The following SOX5 variants were observed in gnomAD, a reference collection of about 807,000 sequenced individuals.
SOX5 encodes SRY-box transcription factor 5, also known as transcription factor SOX-5.
In SOX5, 9 loss-of-function variants were observed where a neutral mutation model predicts 92.0. That is an observed-to-expected ratio of 0.10 (90% CI 0.06 to 0.17). The LOEUF is 0.17. Ranked by LOEUF, SOX5 falls within the 10% of genes least tolerant of loss-of-function variation. The probability of loss-of-function intolerance (pLI) is 1.00; values close to 1 mark genes in which losing one functional copy is unlikely to be tolerated. For missense variants in SOX5, 642 were observed against 944.5 expected, an observed-to-expected ratio of 0.68 and a Z score of 4.20; for synonymous variants, 344 against 336.3, an observed-to-expected ratio of 1.02 and a Z score of -0.25.
intron 2 of SOX5, among the ~76,000 whole-genome samples, chr12:23,866,330 G>C (rs1375284167): frequency 1.3e-5 from 2 of 152,134 alleles, no homozygotes; most frequent in Non-Finnish European, 2.9e-5. Context: ...GAATAGTCTA[G>C]ATTGTAACTA....
rs528329148 is a variant in SOX5 at position 23,767,995 on chromosome 12, G to T, written c.482-12271C>A. On this transcript the variant is annotated intron_variant, in intron 3 of 14. Transcript: ENST00000451604. ...ATGTATCTGAGGAACAATAGCAGGT[G>T]GGGGTAGGGAGGGCTCCAAGGATGC... Among the ~76,000 whole-genome samples the T allele has an allele frequency of 5.3e-5, 8 of 152,226 alleles. No individual in the cohort carries two copies. The East Asian group carries it at 1.5e-3, about 29-fold the overall frequency.
At chr12:23,830,491 T>G (rs2096297979) in intron 3 of SOX5, among the ~76,000 whole-genome samples, 1 of 152,156 alleles carries the variant, frequency 6.6e-6, no homozygotes, top group Admixed American at 6.6e-5. Flanking sequence ...TGTTTGTCCT[T>G]CAGTGGAACA....
chr12:23,550,596 G>A (rs1399809265), intron 11 of SOX5, among the ~76,000 whole-genome samples: 1 of 151,698 alleles, frequency 6.6e-6, no homozygotes, highest in Non-Finnish European at 1.5e-5. Context: ...CACTAAAAAA[G>A]GGAATTTTAG....
chr12:24,475,156 A>G (rs1945228794), intron 1 of SOX5, among the ~76,000 whole-genome samples: 1 of 152,150 alleles, frequency 6.6e-6, no homozygotes, highest in Admixed American at 6.5e-5. Flanking sequence ...AGAATTCTCT[A>G]TGAACTTACA....
chr12:23,968,551 C>T (rs772349054), intron 4 of SOX5, among the ~76,000 whole-genome samples: 1 of 152,232 alleles, frequency 6.6e-6, no homozygotes, highest in African/African-American at 2.4e-5. Context: ...CTCCCCACCC[C>T]ATTCTTCCAT....
In SOX5 at chr12:24,385,944, AAG is replaced by A. The variant is rs1274236091; in HGVS notation, c.-250-17307_-250-17306del. Among the ~76,000 whole-genome samples, 178 of 140,924 alleles carry A rather than the reference AAG, an allele frequency of 1.3e-3. 2 individuals carry two copies. The highest frequency in any genetic ancestry group is 4.4e-3 in the African/African-American group (164 of 37,464). 92.5% of individuals were successfully genotyped at this position (140,924 alleles called of 152,430 possible). A position where few individuals can be genotyped will look rare whatever the true frequency, so the allele number is the denominator to read the frequency against. ...CTTGTCACAAAAAAAAAAAAAAAAA[AAG>A]AGAGAGAGATTTATGTGGCATTTTA... On this transcript the variant is annotated intron_variant, in intron 1 of 4. Coordinates refer to the SOX5 transcript ENST00000446891.
intron 6 of SOX5, among the ~76,000 whole-genome samples, chr12:23,729,564 C>T (rs1003906267): frequency 6.6e-6 from 1 of 152,142 alleles, no homozygotes; most frequent in Admixed American, 6.6e-5. Context: ...ACTAGTCCTG[C>T]ACATGCTTAA....
At chr12:24,131,238 A>T (rs956008877) in intron 4 of SOX5, among the ~76,000 whole-genome samples, 1 of 152,240 alleles carries the variant, frequency 6.6e-6, no homozygotes, top group Admixed American at 6.5e-5. Flanking sequence ...GCATGTGTTT[A>T]GGATCTACAT....
chr12:23,733,469 G>A (rs2093468539), intron 6 of SOX5, among the ~76,000 whole-genome samples: 2 of 152,160 alleles, frequency 1.3e-5, no homozygotes, highest in African/African-American at 4.8e-5. Flanking sequence ...TTGGAAATGT[G>A]CTGATCCTAA....
At chr12:24,247,799 C>G (rs963752822) in intron 3 of SOX5, among the ~76,000 whole-genome samples, 2 of 151,282 alleles carry the variant, frequency 1.3e-5, no homozygotes, top group Non-Finnish European at 3.0e-5. Flanking sequence ...TACAGGTGCC[C>G]GCTACTACAC....
At chr12:23,711,975 T>C (rs985213290) in intron 6 of SOX5, among the ~76,000 whole-genome samples, 2 of 152,206 alleles carry the variant, frequency 1.3e-5, no homozygotes, top group Non-Finnish European at 2.9e-5. Context: ...GAAACAAAGA[T>C]ATATTATCTG....
At chr12:24,266,416 G>A (rs540577235) in intron 3 of SOX5, among the ~76,000 whole-genome samples, 12 of 152,122 alleles carry the variant, frequency 7.9e-5, no homozygotes, top group Non-Finnish European at 1.3e-4. Flanking sequence ...TGTGTGAAAT[G>A]GTTCTGGTAC....
At chr12:23,662,737 G>C (rs188711575) in intron 7 of SOX5, among the ~76,000 whole-genome samples, 1 of 152,052 alleles carries the variant, frequency 6.6e-6, no homozygotes, top group Non-Finnish European at 1.5e-5. Flanking sequence ...CTCTAGTTTA[G>C]TCCCAGAGAT....
At chr12:24,404,933 A>G (rs1450687337) in intron 1 of SOX5, among the ~76,000 whole-genome samples, 1 of 152,108 alleles carries the variant, frequency 6.6e-6, no homozygotes, top group Non-Finnish European at 1.5e-5. Context: ...AAAAAGGGGA[A>G]ATTTGGACAT....
intron 3 of SOX5, among the ~76,000 whole-genome samples, chr12:23,819,557 C>T (rs2096065370): frequency 6.6e-6 from 1 of 152,076 alleles, no homozygotes; most frequent in African/African-American, 2.4e-5. Context: ...AGGTATTTCT[C>T]CTAATGCTAT....
chr12:23,833,793 T>C (rs1201891270), intron 3 of SOX5, among the ~76,000 whole-genome samples: 1 of 151,848 alleles, frequency 6.6e-6, no homozygotes, highest in Non-Finnish European at 1.5e-5. Flanking sequence ...ATGGAATAAA[T>C]GAGTCAAATA....
intron 3 of SOX5, among the ~76,000 whole-genome samples, chr12:23,832,711 A>G (rs2096348079): frequency 6.6e-6 from 1 of 151,906 alleles, no homozygotes; most frequent in African/African-American, 2.4e-5. Context: ...TATTTATTAT[A>G]TTAATACAAT....
At chr12:23,774,940 T>C (rs754881496) in intron 3 of SOX5, among the ~76,000 whole-genome samples, 90 of 152,216 alleles carry the variant, frequency 5.9e-4, no homozygotes, top group Non-Finnish European at 1.5e-4. Context: ...GTGATGCTCT[T>C]TTAAAATATT....
intron 3 of SOX5, among the ~76,000 whole-genome samples, chr12:24,248,437 A>G (rs956301257): frequency 1.3e-5 from 2 of 152,178 alleles, no homozygotes; most frequent in Non-Finnish European, 2.9e-5. Context: ...GACTAGCTCT[A>G]TTGCCCAAGG....
Sources: gnomAD v4.1 joint callset for allele counts (sites outside exome capture counted in the v4.1 genomes callset) on GRCh38, gnomAD v4.1.1 for gene constraint, MANE v1.5 for transcripts, NCBI Gene and HGNC (gene_info 2026-07-23, HGNC 2026-07-21) for gene names.